RGS8: variants seen among roughly 807,000 people sequenced by gnomAD.
RGS8 encodes regulator of G-protein signaling 8.
Under a neutral mutation model 21.7 loss-of-function variants are expected in RGS8, and 8 were observed. The observed-to-expected ratio is 0.37, with a 90% CI of 0.22 to 0.66. The LOEUF is 0.66. Ranked by LOEUF, RGS8 falls within the 30% of genes least tolerant of loss-of-function variation. The pLI is 0.59. For synonymous variants in RGS8, 80 were observed against 83.6 expected, an observed-to-expected ratio of 0.96 and a Z score of 0.24; for missense variants, 157 against 217.9, an observed-to-expected ratio of 0.72 and a Z score of 1.76.
chr1:182,697,687 T>C, the RGS8 span, among the ~76,000 whole-genome samples: 6 of 152,258 alleles, frequency 3.9e-5, no homozygotes, highest in African/African-American at 1.4e-4. Context: ...TAAAACACTT[T>C]TTTTTTCACA....
chr1:182,644,843 C>G (rs1308894296), downstream of RGS8: 1 of 152,182 alleles, frequency 6.6e-6, no homozygotes, highest in African/African-American at 2.4e-5. Flanking sequence ...TGGGAGGATA[C>G]TACCTGATCT....
the RGS8 span, among the ~76,000 whole-genome samples, chr1:182,719,760 A>G: frequency 6.8e-6 from 1 of 146,876 alleles, no homozygotes; most frequent in South Asian, 2.1e-4. Context: ...GGGAGAAAGG[A>G]AAAAAAAAAA....
At chr1:182,724,598 C>T in the RGS8 span, among the ~76,000 whole-genome samples, 1 of 152,066 alleles carries the variant, frequency 6.6e-6, no homozygotes, top group Admixed American at 6.6e-5. Context: ...TGCTCTGTCA[C>T]CCAGGCTGGA....
chr1:182,651,074 A>T (rs1341477663), intron 5 of RGS8, among the ~76,000 whole-genome samples: 2 of 152,202 alleles, frequency 1.3e-5, no homozygotes, highest in Non-Finnish European at 2.9e-5. Flanking sequence ...CCTACATTGG[A>T]TTCAAAACTC....
At chr1:182,680,791 G>A (rs1447042581) in intron 1 of RGS8, among the ~76,000 whole-genome samples, 1 of 152,174 alleles carries the variant, frequency 6.6e-6, no homozygotes, top group Non-Finnish European at 1.5e-5. Flanking sequence ...ACAGGAAAAG[G>A]CTCAGTTAAT....
chr1:182,713,113 C>G, the RGS8 span, among the ~76,000 whole-genome samples: 1 of 152,258 alleles, frequency 6.6e-6, no homozygotes, highest in African/African-American at 2.4e-5. Flanking sequence ...GTGGCTCACT[C>G]GAAGATACAT....
At chr1:182,719,949 A>G in the RGS8 span, among the ~76,000 whole-genome samples, 10 of 152,106 alleles carry the variant, frequency 6.6e-5, no homozygotes, top group African/African-American at 2.4e-4. Flanking sequence ...AATCAGTTTT[A>G]CTTACACTAA....
At chr1:182,744,928 G>A in the RGS8 span, among the ~76,000 whole-genome samples, 5 of 152,184 alleles carry the variant, frequency 3.3e-5, no homozygotes, top group East Asian at 3.9e-4. Flanking sequence ...TACCACCCCC[G>A]ACCCTTGCCT....
chr1:182,666,865 T>G lies in RGS8; in HGVS notation c.128+7A>C. 1 of 1,609,358 alleles carries G rather than the reference T, an allele frequency of 6.2e-7. No individual in the cohort carries two copies. The highest frequency in any genetic ancestry group is 8.5e-7 in the Non-Finnish European group (1 of 1,175,630). ...CCCAGGGAATGGCACGTGGCCGTACTACTCACTTGAGAGCGCGGTTGGGTT... is the reference window on the plus strand; with the variant it reads ...CCCAGGGAATGGCACGTGGCCGTACGACTCACTTGAGAGCGCGGTTGGGTT... On this transcript the variant is annotated splice_region_variant and intron_variant, in intron 4 of 6. Transcript: ENST00000483095.
chr1:182,751,348 A>G, the RGS8 span, among the ~76,000 whole-genome samples: 1 of 152,296 alleles, frequency 6.6e-6, no homozygotes, highest in African/African-American at 2.4e-5. Flanking sequence ...TAGGCATACT[A>G]TTTTCATTAA....
intron 5 of RGS8, chr1:182,658,374 G>A (rs1663388523): frequency 6.6e-6 from 1 of 152,172 alleles, no homozygotes; most frequent in African/African-American, 2.4e-5. Flanking sequence ...CAGTTCCCAG[G>A]CTTGGAAAAA....
chr1:182,745,884 A>G, the RGS8 span, among the ~76,000 whole-genome samples: 24 of 151,912 alleles, frequency 1.6e-4, no homozygotes, highest in Non-Finnish European at 3.2e-4. Context: ...GACAGCCTCC[A>G]CCATCATTCC....
chr1:182,710,993 T>G, the RGS8 span, among the ~76,000 whole-genome samples: 1 of 152,132 alleles, frequency 6.6e-6, no homozygotes, highest in Non-Finnish European at 1.5e-5. Flanking sequence ...CAATCACAGG[T>G]GTGAGTCCCA....
intron 5 of RGS8, among the ~76,000 whole-genome samples, chr1:182,663,613 C>T (rs147435378): frequency 0.011 from 1,654 of 152,298 alleles, 30 homozygotes; most frequent in African/African-American, 0.038. Context: ...ACTGCAGCCT[C>T]AACCTCCTGG....
intron 3 of RGS8, among the ~76,000 whole-genome samples, chr1:182,668,741 T>C (rs1663999022): frequency 6.6e-6 from 1 of 152,212 alleles, no homozygotes; most frequent in Non-Finnish European, 1.5e-5. Flanking sequence ...CATTGGCTAC[T>C]GCTATTCTCT....
the RGS8 span, among the ~76,000 whole-genome samples, chr1:182,720,905 A>G: frequency 0.077 from 7,825 of 101,622 alleles, 569 homozygotes; most frequent in African/African-American, 0.15. Flanking sequence ...ATATATACAT[A>G]TGTGTGTGTA....
chr1:182,654,384 A>C (rs866782243), intron 5 of RGS8, among the ~76,000 whole-genome samples: 1 of 152,256 alleles, frequency 6.6e-6, no homozygotes, highest in Non-Finnish European at 1.5e-5. Flanking sequence ...GGAAAGAGGT[A>C]GAGGAAGATA....
At chr1:182,713,863 T>A in the RGS8 span, among the ~76,000 whole-genome samples, 2 of 152,198 alleles carry the variant, frequency 1.3e-5, no homozygotes, top group African/African-American at 4.8e-5. Context: ...TTTAAAGTAA[T>A]TTTTTATTGC....
chr1:182,681,974 G>A (rs1013997135), intron 1 of RGS8, among the ~76,000 whole-genome samples: 1 of 152,196 alleles, frequency 6.6e-6, no homozygotes, highest in Non-Finnish European at 1.5e-5. Flanking sequence ...AGGTTCTGAT[G>A]ATGATGCTGA....
Sources: gnomAD v4.1 joint callset for allele counts (sites outside exome capture counted in the v4.1 genomes callset) on GRCh38, gnomAD v4.1.1 for gene constraint, MANE v1.5 for transcripts, NCBI Gene and HGNC (gene_info 2026-07-23, HGNC 2026-07-21) for gene names.